ORC1: variants seen among roughly 807,000 people sequenced by gnomAD.
ORC1 encodes the protein origin recognition complex subunit 1.
Under a neutral mutation model 98.9 loss-of-function variants are expected in ORC1, and 61 were observed. The observed-to-expected ratio is 0.62, with a 90% CI of 0.50 to 0.76. The LOEUF (loss-of-function observed/expected upper bound fraction) is 0.76. Ranked by LOEUF, ORC1 falls within the 30% of genes least tolerant of loss-of-function variation. The pLI is 0.00. For missense variants in ORC1, 979 were observed against 1,072.2 expected (o/e 0.91, Z 1.21); for synonymous variants, 385 against 406.9 (o/e 0.95, Z 0.65).
chr1:52,376,731 T>G (rs979066776), intron 14 of ORC1, among the ~76,000 whole-genome samples: 1 of 152,178 alleles, frequency 6.6e-6, no homozygotes, highest in Admixed American at 6.5e-5. Flanking sequence ...AGGGGAACTC[T>G]GGGGGGTAAG....
At chr1:52,385,734 A>ATAGACAC (rs2147926402) in intron 9 of ORC1, 118 bp downstream of exon 9, 1 of 753,040 alleles carries the variant, frequency 1.3e-6, no homozygotes, top group East Asian at 2.7e-5. Context: ...AGGTAAAAGT[A>ATAGACAC]TAGACACACA....
chr1:52,397,959 CAT>C, intron 3 of ORC1, 96 bp from the exon 4 acceptor site: 2 of 1,206,956 alleles, frequency 1.7e-6, no homozygotes, highest in Admixed American at 1.7e-5. Context: ...TAACCCTTGA[CAT>C]GTGTGGTTTT....
chr1:52,375,207 G>C (rs1171838076), intron 15 of ORC1, among the ~76,000 whole-genome samples: 4 of 149,412 alleles, frequency 2.7e-5, no homozygotes, highest in African/African-American at 4.9e-5. Context: ...TTTTTTTTTT[G>C]TTCCTATCAT....
chr1:52,391,874 G>C (rs1647218452), intron 6 of ORC1, among the ~76,000 whole-genome samples: 1 of 150,580 alleles, frequency 6.6e-6, no homozygotes, highest in Admixed American at 6.6e-5. Flanking sequence ...CTCTAGCCTG[G>C]GCAACAGAGC....
In ORC1 at chr1:52,397,535, G is replaced by A. The variant is rs562365014; in HGVS notation, c.402+150C>T. On this transcript the variant is annotated intron_variant, in intron 4 of 16. Coordinates refer to ENST00000371568, the MANE Select transcript of ORC1 (RefSeq NM_004153.4). ...CGTGCTCTCAATAAATATCTGTTGA[G>A]ATGAAACAGACAGGCAAGCACAGAA... 55 of 785,898 alleles carry A rather than the reference G, an allele frequency of 7.0e-5. 1 individual carries two copies. The South Asian group carries it at 7.7e-4, about 11-fold the overall frequency. The allele number at this position is 785,898 out of a possible 1,614,324, so 48.7% of individuals were successfully genotyped here.
At position 52,381,769 on chromosome 1, in the gene ORC1, G is replaced by A. The variant is rs954286811; in HGVS notation, c.2014-8C>T. ...GCACATCCTGGTAAGACCCTGGGGA[G>A]CCAAAATGACAGAGGAATAAGTTGG... On this transcript the variant is annotated splice_polypyrimidine_tract_variant and splice_region_variant and intron_variant, in intron 13 of 16. Coordinates refer to ENST00000371568, the MANE Select transcript of ORC1 (RefSeq NM_004153.4). The A allele has an allele frequency of 9.3e-6, 15 of 1,612,116 alleles. No individual in the cohort carries two copies. The highest frequency in any genetic ancestry group is 1.1e-5 in the Non-Finnish European group (13 of 1,178,848).
intron 14 of ORC1, among the ~76,000 whole-genome samples, chr1:52,381,417 C>T (rs1013503890): frequency 3.3e-5 from 5 of 152,152 alleles, no homozygotes; most frequent in African/African-American, 1.2e-4. Context: ...CTGCTTGCTC[C>T]CTGAATGAAT....
At chr1:52,401,225 G>A in intron 3 of ORC1, 137 bp downstream of exon 3, 1 of 1,082,624 alleles carries the variant, frequency 9.2e-7, no homozygotes, top group Non-Finnish European at 1.4e-6. Flanking sequence ...GATGGAAGAA[G>A]ACGCAGCTAG....
intron 8 of ORC1, among the ~76,000 whole-genome samples, chr1:52,387,815 C>T (rs1475413923): frequency 6.6e-6 from 1 of 152,208 alleles, no homozygotes; most frequent in Admixed American, 6.5e-5. Context: ...GAAAAATGGA[C>T]ATCAGCTTTA....
rs767252262 is a variant in ORC1 at position 52,393,514 on chromosome 1, G to A, written c.1011C>T (p.Thr337=). ...TIDIREERTL[T]PISGGQRSSV... is the part of the protein sequence containing the mutation. Reference sequence around the variant, plus strand: ...AAGATCTCTGTCCCCCACTGATAGGGGTAAGTGTTCTCTCCTCTCTAATGT... The same window carrying A: ...AAGATCTCTGTCCCCCACTGATAGGAGTAAGTGTTCTCTCCTCTCTAATGT... The change falls in exon 6 of 17, where the codon ACC becomes ACT. Residue 337 remains threonine, a synonymous_variant. Coordinates refer to ENST00000371568, the MANE Select transcript of ORC1 (RefSeq NM_004153.4). The A allele has an allele frequency of 1.9e-6, 3 of 1,613,986 alleles. No individual in the cohort carries two copies. The highest frequency in any genetic ancestry group is 2.5e-6 in the Non-Finnish European group (3 of 1,180,010).
At chr1:52,398,404 C>G (rs1276589974) in intron 3 of ORC1, among the ~76,000 whole-genome samples, 1 of 151,858 alleles carries the variant, frequency 6.6e-6, no homozygotes, top group Admixed American at 6.6e-5. Flanking sequence ...GCTGGGACCA[C>G]AGGCCTGTGC....
Position 52,398,511 on chromosome 1 carries a change from G to A in ORC1, c.224-648C>T, listed in dbSNP as rs182165600. On this transcript the variant is annotated intron_variant, in intron 3 of 16. Transcript: ENST00000371568. ...ACTCTTGACCTCAAGTGATCCGCCC[G>A]CCTTGGCCTCTCAAAGTGCTGGGAT... 9.6e-3 allele frequency among the ~76,000 whole-genome samples: 1,459 copies of A among 151,330 alleles called. 21 individuals are homozygous for A. Among genetic ancestry groups the A allele is most frequent in the African/African-American group, 0.034 (1,390 of 41,202 alleles).
intron 13 of ORC1, among the ~76,000 whole-genome samples, chr1:52,382,169 C>G (rs1256880810): frequency 6.6e-6 from 1 of 152,058 alleles, no homozygotes; most frequent in African/African-American, 2.4e-5. Flanking sequence ...TTAGTAGGGA[C>G]AGAGTTTCAC....
rs2147948317 is a variant in ORC1 at position 52,402,145 on chromosome 1, G to A, written c.79C>T (p.His27Tyr). The change falls in exon 2 of 17, where the codon CAC becomes TAC. Residue 27 changes from histidine to tyrosine, a missense_variant. Physicochemically the swap from His to Tyr is moderately conservative, Grantham distance 83. Transcript: ENST00000371568. ...ATCACTCACCTATAGGTTTGGTAGTGCAGTTTTCGATCCAACAAGGGCCTG... is the reference window on the plus strand; with the variant it reads ...ATCACTCACCTATAGGTTTGGTAGTACAGTTTTCGATCCAACAAGGGCCTG... ...VGRPLLDRKL[H>Y]YQTYREMCVK... 6.2e-7 allele frequency: 1 copy of A among 1,613,824 alleles called. No individual in the cohort carries two copies. Among genetic ancestry groups the A allele is most frequent in the East Asian group, 2.2e-5 (1 of 44,884 alleles).
chr1:52,379,446 T>C (rs973990781), intron 14 of ORC1, among the ~76,000 whole-genome samples: 4 of 151,598 alleles, frequency 2.6e-5, no homozygotes, highest in African/African-American at 7.3e-5. Context: ...GGTTTCACCC[T>C]GTTAGCCAGG....
At position 52,402,934 on chromosome 1, in the gene ORC1, C is replaced by A. The variant is rs1647792003; in HGVS notation, c.-5-706G>T. Among the ~76,000 whole-genome samples the A allele has an allele frequency of 2.0e-5, 3 of 152,190 alleles. No individual in the cohort carries two copies. The South Asian group carries it at 6.2e-4, about 32-fold the overall frequency. On this transcript the variant is annotated intron_variant, in intron 1 of 16. Coordinates refer to ENST00000371568, the MANE Select transcript of ORC1 (RefSeq NM_004153.4). ...AGAAAAGTAGATGTTATTATCACTT[C>A]AAGGTGATAACTTATCCTATCTTAT...
chr1:52,389,928 A>T (rs550680035), intron 6 of ORC1, among the ~76,000 whole-genome samples: 3 of 152,354 alleles, frequency 2.0e-5, no homozygotes, highest in Admixed American at 2.0e-4. Flanking sequence ...ATTAAAAAAG[A>T]GCATGTCAAA....
chr1:52,385,390 G>T, intron 9 of ORC1, 128 bp from the exon 10 acceptor site: 7 of 772,280 alleles, frequency 9.1e-6, no homozygotes, highest in Middle Eastern at 2.3e-4. Context: ...AATTTCAAAT[G>T]CTAGAGAATC....
intron 3 of ORC1, among the ~76,000 whole-genome samples, chr1:52,399,440 C>T (rs1285967068): frequency 5.9e-5 from 9 of 151,790 alleles, no homozygotes; most frequent in Middle Eastern, 6.8e-3. Context: ...CTGGCTAACA[C>T]GGTGAAACCC....
Sources: gnomAD v4.1 joint callset for allele counts (sites outside exome capture counted in the v4.1 genomes callset) on GRCh38, gnomAD v4.1.1 for gene constraint, MANE v1.5 for transcripts, NCBI Gene and HGNC (gene_info 2026-07-23, HGNC 2026-07-21) for gene names.